The following SCRIB variants were observed in gnomAD, a reference collection of about 807,000 sequenced individuals.
SCRIB encodes protein scribble homolog.
Under a neutral mutation model 170.0 loss-of-function variants are expected in SCRIB, and 72 were observed. That is an observed-to-expected ratio of 0.42 (90% CI 0.35 to 0.52). The LOEUF is 0.52. Ranked by LOEUF, SCRIB falls within the 20% of genes least tolerant of loss-of-function variation. SCRIB has a pLI of 0.02. For missense variants in SCRIB, 2,475 were observed against 2,338.5 expected (o/e 1.06, Z -1.20); for synonymous variants, 1,298 against 1,044.3 (o/e 1.24, Z -4.68).
chr8:143,815,233 T>C lies in SCRIB; in HGVS notation c.140A>G (p.Gln47Arg), dbSNP rs1361419443. The C allele has an allele frequency of 6.3e-7, 1 of 1,591,220 alleles. No homozygotes were observed. The highest frequency in any genetic ancestry group is 2.3e-5 in the East Asian group (1 of 43,248). ...GCTCACCTTGGGCAGCTCGCGCAGC[T>C]GGTTGGCGTCGAGCAGCAGCTCCTC... ...SLEELLLDAN[Q>R]LRELPKPFFR... Residue 47 changes from glutamine (Q) to arginine (R), a missense_variant, in exon 1 of 37, where the codon CAG becomes CGG. Coordinates refer to ENST00000356994, the MANE Select transcript of SCRIB (RefSeq NM_182706.5).
In SCRIB at chr8:143,795,441, C is replaced by A; in HGVS notation, c.3693G>T (p.Leu1231=). Residue 1231 remains leucine (L), a synonymous_variant, in exon 25 of 37, where the codon CTG becomes CTT. Coordinates refer to ENST00000356994, the MANE Select transcript of SCRIB (RefSeq NM_182706.5). The stretch of plus-strand genomic sequence containing the variant: ...TGACCTTGCCTGGGCCCTCAGGGCT[C>A]AGCTCCCGGTCGATGGAAGAGATGC... ...LESISSIDRE[L]SPEGPGKEKE... The A allele has an allele frequency of 6.2e-7, 1 of 1,613,188 alleles. No homozygotes were observed. Among genetic ancestry groups the A allele is most frequent in the Admixed American group, 1.7e-5 (1 of 59,998 alleles).
chr8:143,807,359 C>T (rs1464714870), intron 16 of SCRIB, among the ~76,000 whole-genome samples, 193 bp downstream of exon 16: 1 of 152,184 alleles, frequency 6.6e-6, no homozygotes, highest in Non-Finnish European at 1.5e-5. Flanking sequence ...CTGGACCAGC[C>T]TCTCCGCTCA....
intron 18 of SCRIB, 115 bp downstream of exon 18, chr8:143,806,292 T>C: frequency 1.3e-6 from 1 of 799,284 alleles, no homozygotes. Flanking sequence ...CTGGGTGTCC[T>C]GTGCTTGGAA....
At chr8:143,808,541 G>C in intron 15 of SCRIB, 68 bp downstream of exon 15, 2 of 1,483,918 alleles carry the variant, frequency 1.3e-6, no homozygotes, top group Non-Finnish European at 1.8e-6. Flanking sequence ...CCCTGCTCCT[G>C]CCGCAGCCCT....
At chr8:143,791,830 C>A (rs563904379) in intron 34 of SCRIB, 46 bp downstream of exon 34, 126 of 1,527,594 alleles carry the variant, frequency 8.2e-5, no homozygotes, top group South Asian at 1.2e-4. Context: ...AGACCCCACC[C>A]CCATGCCTCG....
intron 27 of SCRIB, 30 bp downstream of exon 27, chr8:143,795,008 G>C (rs139578287): frequency 4.4e-6 from 7 of 1,598,476 alleles, no homozygotes; most frequent in Non-Finnish European, 6.0e-6. Context: ...ACAGGACGGA[G>C]GTGGGGGGCA....
intron 19 of SCRIB, 42 bp from the exon 20 acceptor site, chr8:143,805,056 G>A (rs1554636103): frequency 1.3e-6 from 2 of 1,583,032 alleles, no homozygotes; most frequent in East Asian, 2.3e-5. Context: ...CGGTGAGGCT[G>A]GAGTGCGGCT....
In SCRIB at chr8:143,805,130, G is replaced by C. The variant is rs782330481; in HGVS notation, c.2652C>G (p.Pro884=). The change falls in exon 19 of 37, where the codon CCC becomes CCG. Residue 884 remains proline (P), a synonymous_variant. Coordinates refer to ENST00000356994, the MANE Select transcript of SCRIB (RefSeq NM_182706.5). ...GCCTCACCGCATCACCAGCCCTGTA[G>C]GGTGTGGAGCCTTTCCCACCAGCAA... ...FSIAGGKGST[P]YRAGDAGIFV... The C allele has an allele frequency of 6.9e-6, 11 of 1,591,370 alleles. No homozygotes were observed. In the African/African-American group the frequency reaches 1.5e-4, roughly 21 times the overall value.
intron 24 of SCRIB, among the ~76,000 whole-genome samples, chr8:143,798,142 G>C (rs553721244): frequency 2.4e-4 from 36 of 152,214 alleles, no homozygotes; most frequent in Middle Eastern, 3.4e-3. Context: ...TGTAATCCCA[G>C]CTACTCGGGA....
At position 143,792,242 on chromosome 8, in the gene SCRIB, G is replaced by T; in HGVS notation, c.4492C>A (p.Arg1498Ser). ...CACCTGGCTGCCCTCCACAGCGCAC[G>T]CTTCTCGGCCTCCAGGGCCCGGAGC... ...AELRALEAEKRALWRAARMKS... is the reference protein window; with the variant it reads ...AELRALEAEKSALWRAARMKS... Residue 1498 changes from arginine (R) to serine (S), a missense_variant, in exon 32 of 37, where the codon CGT (arginine) becomes AGT (serine). Transcript: ENST00000356994. The T allele has an allele frequency of 6.4e-7, 1 of 1,571,386 alleles. No individual in the cohort carries two copies. Among genetic ancestry groups the T allele is most frequent in the South Asian group, 1.1e-5 (1 of 87,252 alleles).
Position 143,806,986 on chromosome 8 carries a change from C to A in SCRIB, c.2206G>T (p.Gly736Trp), listed in dbSNP as rs782358425. ...CCCGCAATGCTGATGCCCAGGCCCCCAGTCTGCCGCAGGATAGTGAGGGTC... is the reference window on the plus strand; with the variant it reads ...CCCGCAATGCTGATGCCCAGGCCCCAAGTCTGCCGCAGGATAGTGAGGGTC... ...ELTLTILRQT[G>W]GLGISIAGGK... Residue 736 changes from glycine (G) to tryptophan (W), a missense_variant, in exon 17 of 37, where the codon GGG (glycine) becomes TGG (tryptophan). This residue lies in a region of SCRIB where 1,966 missense variants were observed against 1,742.9 expected (regional missense o/e 1.13). Coordinates refer to ENST00000356994, the MANE Select transcript of SCRIB (RefSeq NM_182706.5). The A allele has an allele frequency of 1.2e-6, 2 of 1,613,108 alleles. No homozygotes were observed. The highest frequency in any genetic ancestry group is 3.3e-5 in the Admixed American group (2 of 59,944).
At chr8:143,800,155 T>G (rs1212992464) in intron 24 of SCRIB, among the ~76,000 whole-genome samples, 1 of 151,708 alleles carries the variant, frequency 6.6e-6, no homozygotes, top group Non-Finnish European at 1.5e-5. Context: ...TGGCGTGGAC[T>G]CCTGATGTGT....
At chr8:143,793,494 T>TG (rs1402492730) in intron 28 of SCRIB, 197 of 286,854 alleles carry the variant, frequency 6.9e-4, no homozygotes, top group Non-Finnish European at 6.2e-4. Context: ...GGGGCTGAGC[T>TG]GGGGCTGGGT....
Position 143,791,668 on chromosome 8 carries a change from G to A in SCRIB, c.4768C>T (p.Gln1590Ter). The change falls in exon 35 of 37, where the codon CAG (glutamine) becomes TAG (stop). Residue 1590 changes from glutamine (Q) to a stop codon, truncating the protein, a stop_gained and splice_region_variant. Coordinates refer to ENST00000356994, the MANE Select transcript of SCRIB (RefSeq NM_182706.5). LOFTEE classifies it high-confidence loss of function. ...GCAGAGGCCTGGAGGCCAGGTACCT[G>A]GATGTCATAGACAGGTCTGGAAGAA... ...LPSSRPVYDI[Q>*]SPDFAEELRS... The A allele has an allele frequency of 1.2e-6, 2 of 1,605,546 alleles. No individual in the cohort carries two copies. Among genetic ancestry groups the A allele is most frequent in the Non-Finnish European group, 1.7e-6 (2 of 1,173,854 alleles).
In SCRIB at chr8:143,804,939, G is replaced by A; in HGVS notation, c.2746C>T (p.Leu916Phe). ...AGTLQVGDRV[L>F]SINGVDVTEA... Reference sequence around the variant, plus strand: ...GGGGCCCCATCCCCACTCACAGAGAGGACGCGGTCGCCAACCTGCAGTGTG... The same window carrying A: ...GGGGCCCCATCCCCACTCACAGAGAAGACGCGGTCGCCAACCTGCAGTGTG... The change falls in exon 20 of 37, where the codon CTC becomes TTC. Residue 916 changes from leucine to phenylalanine, a missense_variant. This residue lies in a region of SCRIB where 1,966 missense variants were observed against 1,742.9 expected (regional missense o/e 1.13). Coordinates refer to ENST00000356994, the MANE Select transcript of SCRIB (RefSeq NM_182706.5). 1 of 1,558,694 alleles carries A rather than the reference G, an allele frequency of 6.4e-7. No individual in the cohort carries two copies. Among genetic ancestry groups the A allele is most frequent in the Non-Finnish European group, 8.6e-7 (1 of 1,158,716 alleles).
intron 1 of SCRIB, among the ~76,000 whole-genome samples, chr8:143,814,553 C>T (rs1815945384): frequency 6.6e-6 from 1 of 152,232 alleles, no homozygotes; most frequent in African/African-American, 2.4e-5. Flanking sequence ...GTACCACAGG[C>T]ACAGTGCTAC....
intron 27 of SCRIB, among the ~76,000 whole-genome samples, chr8:143,794,616 G>A (rs1193837685): frequency 1.3e-5 from 2 of 151,956 alleles, no homozygotes; most frequent in Non-Finnish European, 2.9e-5. Flanking sequence ...GGATGGGCCT[G>A]CACATCCTCC....
chr8:143,803,691 C>T lies in SCRIB; in HGVS notation c.3370G>A (p.Gly1124Ser), dbSNP rs1554635520. Residue 1124 changes from glycine to serine, a missense_variant, in exon 23 of 37, where the codon GGC (glycine) becomes AGC (serine). Physicochemically the swap from Gly to Ser is moderately conservative, Grantham distance 56 (BLOSUM62 0). Transcript: ENST00000356994. ...TCGTCTGTGGGGTCGCGGGGGTTGC[C>T]AGCGTGGCCCCTGGCACCCCCGCGG... The part of the protein sequence containing the change: ...SIRGGARGHA[G>S]NPRDPTDEGI... 1 of 1,580,726 alleles carries T rather than the reference C, an allele frequency of 6.3e-7. No homozygotes were observed.
chr8:143,792,399 G>A lies in SCRIB; in HGVS notation c.4335C>T (p.Ser1445=). The stretch of plus-strand genomic sequence containing the variant: ...CTCCCAGGGGTGGGGGGGACGCCGG[G>A]CTCTGCCTGGGGAAGGGACAGGACG... ...WASPSPTSRQ[S]PASPPPLGGG... Residue 1445 remains serine (S), a synonymous_variant, in exon 32 of 37, where the codon AGC becomes AGT. Transcript: ENST00000356994. The A allele has an allele frequency of 6.7e-7, 1 of 1,503,102 alleles. No homozygotes were observed. Among genetic ancestry groups the A allele is most frequent in the Non-Finnish European group, 8.8e-7 (1 of 1,130,166 alleles). 93.1% of individuals were successfully genotyped at this position (1,503,102 alleles called of 1,614,324 possible).
Sources: allele counts gnomAD v4.1 joint callset (sites outside exome capture counted in the v4.1 genomes callset), GRCh38; gene constraint gnomAD v4.1.1; regional missense constraint gnomAD v4.1.1; transcripts MANE v1.5; gene names NCBI Gene and HGNC (gene_info 2026-07-23, HGNC 2026-07-21).